The following SPATA13 variants were observed in gnomAD, a reference collection of about 807,000 sequenced individuals.
The protein encoded by SPATA13 is spermatogenesis associated 13.
Under a neutral mutation model 104.0 loss-of-function variants are expected in SPATA13, and 50 were observed. The observed-to-expected ratio is 0.48, with a 90% CI of 0.38 to 0.61. The LOEUF (loss-of-function observed/expected upper bound fraction) is 0.61, where lower values mean the gene tolerates loss of function less well. SPATA13 is among the 20% of genes least tolerant of loss of function. The pLI, the probability that SPATA13 is intolerant of heterozygous loss-of-function variation, is 0.00. For synonymous variants in SPATA13, 606 were observed against 667.5 expected, an observed-to-expected ratio of 0.91 and a Z score of 1.42; for missense variants, 1,524 against 1,690.6, an observed-to-expected ratio of 0.90 and a Z score of 1.73.
At chr13:24,196,865 G>A (rs1312523924) in intron 1 of SPATA13, among the ~76,000 whole-genome samples, 1 of 151,922 alleles carries the variant, frequency 6.6e-6, no homozygotes, top group East Asian at 1.9e-4. Context: ...ATAAGGAGAA[G>A]CATGATTTCT....
chr13:24,292,982 T>TGA (rs1299009937), intron 9 of SPATA13, among the ~76,000 whole-genome samples: 3 of 100,908 alleles, frequency 3.0e-5, no homozygotes, highest in Non-Finnish European at 5.3e-5. Flanking sequence ...GGTGACAGAG[T>TGA]GAGACTTTGT....
intron 3 of SPATA13, among the ~76,000 whole-genome samples, chr13:24,250,751 G>A (rs1335250683): frequency 6.6e-6 from 1 of 152,204 alleles, no homozygotes; most frequent in South Asian, 2.1e-4. Flanking sequence ...AAATTAAGTT[G>A]CAGAATATCA....
At chr13:24,167,240 G>GTGAT (rs1414553122) in intron 1 of SPATA13, among the ~76,000 whole-genome samples, 3 of 152,218 alleles carry the variant, frequency 2.0e-5, no homozygotes, top group Non-Finnish European at 4.4e-5. Context: ...GGTGGAGGCT[G>GTGAT]TGATGGTTCT....
chr13:24,229,966 T>C (rs1872168551), intron 2 of SPATA13, among the ~76,000 whole-genome samples: 1 of 152,192 alleles, frequency 6.6e-6, no homozygotes, highest in African/African-American at 2.4e-5. Context: ...TTCTCACCCA[T>C]GTACCAAATC....
chr13:24,123,000 CCTT>C, intron 3 of SPATA13: 2 of 868,640 alleles, frequency 2.3e-6, no homozygotes, highest in Non-Finnish European at 4.0e-6. Flanking sequence ...GTCATCACTA[CCTT>C]CTTCATCTGG....
rs1182934821 is a variant in SPATA13 at position 24,304,921 on chromosome 13, A to G, written c.*2148A>G. On this transcript the variant is annotated 3_prime_UTR_variant, in exon 13 of 13. Transcript: ENST00000382108. ...TGTTTATAGAACTGACCTTTTTACT[A>G]ACAAAATACAATGATATATGTTGGA... 1 of 152,212 alleles carries G rather than the reference A, an allele frequency of 6.6e-6. No individual in the cohort carries two copies. The highest frequency in any genetic ancestry group is 2.4e-5 in the African/African-American group (1 of 41,448). The allele number at this position is 152,212 out of a possible 1,614,324, so 9.4% of individuals were successfully genotyped here.
chr13:24,037,598 T>G (rs146875412), intron 3 of SPATA13, among the ~76,000 whole-genome samples: 2,829 of 151,916 alleles, frequency 0.019, 64 homozygotes, highest in African/African-American at 0.065. Flanking sequence ...TTAGTAGAGA[T>G]GGAGTTTCAC....
At chr13:24,273,889 T>C (rs1473159466) in intron 4 of SPATA13, among the ~76,000 whole-genome samples, 1 of 152,194 alleles carries the variant, frequency 6.6e-6, no homozygotes, top group East Asian at 1.9e-4. Context: ...GGGATCTTGC[T>C]ATGTTGCCCA....
chr13:24,270,444 A>G (rs1874519066), intron 4 of SPATA13, among the ~76,000 whole-genome samples: 1 of 152,206 alleles, frequency 6.6e-6, no homozygotes, highest in African/African-American at 2.4e-5. Flanking sequence ...TTCTCTTGTG[A>G]AATAAATACC....
At chr13:24,124,398 G>A (rs897178376) in intron 3 of SPATA13, among the ~76,000 whole-genome samples, 1 of 152,204 alleles carries the variant, frequency 6.6e-6, no homozygotes, top group Non-Finnish European at 1.5e-5. Flanking sequence ...CACAGTCGAG[G>A]TGTAGAGCCC....
At chr13:24,021,187 G>A (rs1734394675) in intron 3 of SPATA13, among the ~76,000 whole-genome samples, 1 of 152,242 alleles carries the variant, frequency 6.6e-6, no homozygotes. Flanking sequence ...AGAGGAGCTG[G>A]CCTCTAAGAA....
intron 3 of SPATA13, among the ~76,000 whole-genome samples, chr13:24,153,602 G>T (rs916821898): frequency 1.3e-5 from 2 of 152,290 alleles, no homozygotes; most frequent in Admixed American, 6.5e-5. Flanking sequence ...ACGGTACGCT[G>T]CAAGGAAAAC....
chr13:24,195,045 C>T (rs1447302834), intron 1 of SPATA13, among the ~76,000 whole-genome samples: 5 of 152,218 alleles, frequency 3.3e-5, no homozygotes, highest in Non-Finnish European at 7.3e-5. Flanking sequence ...GCTGTTGCCA[C>T]TGATTCCAGG....
At chr13:24,094,386 A>G (rs1880005464) in intron 3 of SPATA13, among the ~76,000 whole-genome samples, 1 of 152,182 alleles carries the variant, frequency 6.6e-6, no homozygotes, top group Non-Finnish European at 1.5e-5. Context: ...AAAACGGATC[A>G]ACATTGTAGG....
chr13:24,215,053 G>A (rs190921365), intron 1 of SPATA13, among the ~76,000 whole-genome samples: 5 of 152,262 alleles, frequency 3.3e-5, no homozygotes, highest in East Asian at 1.9e-4. Context: ...CGAGCACAGC[G>A]TCTCCCTGAG....
chr13:24,283,405 A>G (rs1241448154), intron 4 of SPATA13, among the ~76,000 whole-genome samples: 1 of 152,236 alleles, frequency 6.6e-6, no homozygotes, highest in Non-Finnish European at 1.5e-5. Context: ...AGAAACAGTG[A>G]TGGAGACATC....
intron 3 of SPATA13, among the ~76,000 whole-genome samples, chr13:24,100,144 A>T (rs910736803): frequency 2.0e-4 from 5 of 25,022 alleles, no homozygotes; most frequent in South Asian, 2.2e-3. Context: ...AAATAGTTTA[A>T]AAAAAAAAAA....
chr13:24,118,815 GTTA>G (rs1880936691), intron 3 of SPATA13, among the ~76,000 whole-genome samples: 1 of 152,130 alleles, frequency 6.6e-6, no homozygotes, highest in South Asian at 2.1e-4. Flanking sequence ...AGAACTAACT[GTTA>G]TTTGGCTAAC....
chr13:24,108,201 C>T (rs1262149654), intron 3 of SPATA13, among the ~76,000 whole-genome samples: 1 of 152,216 alleles, frequency 6.6e-6, no homozygotes, highest in Non-Finnish European at 1.5e-5. Context: ...AGAGCTCCAC[C>T]CTCGTGATTT....
Sources: gnomAD v4.1 joint callset for allele counts (sites outside exome capture counted in the v4.1 genomes callset) on GRCh38, gnomAD v4.1.1 for gene constraint, MANE v1.5 for transcripts, NCBI Gene and HGNC (gene_info 2026-07-23, HGNC 2026-07-21) for gene names.